The following YAF2 variants were observed in gnomAD, a reference collection of about 807,000 sequenced individuals.
YAF2 encodes YY1-associated factor 2.
Under a neutral mutation model 20.1 loss-of-function variants are expected in YAF2, and 7 were observed. That is an observed-to-expected ratio of 0.35 (90% CI 0.20 to 0.65). The LOEUF (loss-of-function observed/expected upper bound fraction) is 0.65, where lower values mean the gene tolerates loss of function less well. Among genes scored for constraint, YAF2 ranks in the 30% least tolerant of loss-of-function variants. The pLI is 0.69. For missense variants in YAF2, 151 were observed against 219.2 expected, an observed-to-expected ratio of 0.69 and a Z score of 1.96; for synonymous variants, 74 against 76.0, an observed-to-expected ratio of 0.97 and a Z score of 0.14.
At position 42,176,563 on chromosome 12, in the gene YAF2, C is replaced by T. The variant is rs186682499; in HGVS notation, c.153-14798G>A. ...TATTTATTCCGTTTTTCCTCTCATACTCACATCTAAGTCACCATCAAATGC... is the reference window on the plus strand; with the variant it reads ...TATTTATTCCGTTTTTCCTCTCATATTCACATCTAAGTCACCATCAAATGC... On this transcript the variant is annotated intron_variant, in intron 2 of 3. Coordinates refer to ENST00000534854, the MANE Select transcript of YAF2 (RefSeq NM_005748.6). 4.8e-3 allele frequency among the ~76,000 whole-genome samples: 737 copies of T among 152,308 alleles called. 5 individuals are homozygous for T. Among genetic ancestry groups the T allele is most frequent in the Non-Finnish European group, 7.5e-3 (511 of 68,028 alleles).
intron 2 of YAF2, chr12:42,210,620 C>G: frequency 6.5e-7 from 1 of 1,536,046 alleles, no homozygotes; most frequent in Non-Finnish European, 8.7e-7. Flanking sequence ...CAATGTGGAT[C>G]TGTGGAGATT....
intron 2 of YAF2, among the ~76,000 whole-genome samples, chr12:42,197,910 G>C (rs2066796054): frequency 6.6e-6 from 1 of 151,970 alleles, no homozygotes; most frequent in Non-Finnish European, 1.5e-5. Flanking sequence ...GAAAGCAACA[G>C]ACTATCAAAA....
chr12:42,168,436 C>A (rs1333921596), intron 2 of YAF2, among the ~76,000 whole-genome samples: 2 of 152,040 alleles, frequency 1.3e-5, no homozygotes, highest in African/African-American at 4.8e-5. Flanking sequence ...CCTGCCTCGG[C>A]CTACCAAAGT....
chr12:42,234,848 CATG>C, intron 2 of YAF2: 1 of 698,308 alleles, frequency 1.4e-6, no homozygotes, highest in African/African-American at 1.9e-5. Context: ...ATTAGCCACA[CATG>C]GTGGTGTGCA....
In YAF2 at chr12:42,167,721, T is replaced by C. The variant is rs1215780360; in HGVS notation, c.153-5956A>G. On this transcript the variant is annotated intron_variant, in intron 2 of 3. Coordinates refer to ENST00000534854, the MANE Select transcript of YAF2 (RefSeq NM_005748.6). ...AATAAACGAAAAGCTGTTGAAAATT[T>C]CTGGCCAGGCTCGGTGGCTCACATC... 2.0e-5 allele frequency among the ~76,000 whole-genome samples: 3 copies of C among 152,176 alleles called. No homozygotes were observed. The East Asian group carries it at 5.8e-4, about 29-fold the overall frequency.
chr12:42,224,898 G>A (rs2067642750), intron 2 of YAF2, among the ~76,000 whole-genome samples: 1 of 152,192 alleles, frequency 6.6e-6, no homozygotes, highest in African/African-American at 2.4e-5. Flanking sequence ...ACCCAGTAAT[G>A]AGACTGCTGG....
chr12:42,189,020 G>C (rs2066544531), intron 2 of YAF2, among the ~76,000 whole-genome samples: 1 of 152,172 alleles, frequency 6.6e-6, no homozygotes, highest in Admixed American at 6.5e-5. Context: ...GGGAGAATCA[G>C]AGTGGAAATG....
chr12:42,228,816 C>A, intron 2 of YAF2, among the ~76,000 whole-genome samples: 1 of 60,148 alleles, frequency 1.7e-5, no homozygotes, highest in African/African-American at 1.6e-4. Context: ...CCCGGCCAGC[C>A]GCCCCGTCCG....
chr12:42,168,466 G>C (rs1362577184), intron 2 of YAF2, among the ~76,000 whole-genome samples: 1 of 152,122 alleles, frequency 6.6e-6, no homozygotes, highest in Non-Finnish European at 1.5e-5. Context: ...ATAGATGTGA[G>C]CCACCATGCC....
Position 42,237,677 on chromosome 12 carries a change from C to T in YAF2, c.74G>A (p.Cys25Tyr). Residue 25 changes from cysteine to tyrosine, a missense_variant, in exon 2 of 4, where the codon TGT becomes TAT. Coordinates refer to ENST00000534854, the MANE Select transcript of YAF2 (RefSeq NM_005748.6). ...GCTGTTCCGGAAGGTGCAGACGCTA[C>T]AGTCCCAGTAACCCTCATCCGAGGA... ...KPSSDEGYWDCSVCTFRNSAE... is the reference protein window; with the variant it reads ...KPSSDEGYWDYSVCTFRNSAE... 6.3e-7 allele frequency: 1 copy of T among 1,590,930 alleles called. No homozygotes were observed. The highest frequency in any genetic ancestry group is 8.5e-7 in the Non-Finnish European group (1 of 1,170,168).
chr12:42,199,231 T>C (rs371155809), intron 2 of YAF2: 1 of 1,288,676 alleles, frequency 7.8e-7, no homozygotes, highest in African/African-American at 1.5e-5. Flanking sequence ...CTCTTCCTGT[T>C]ATCTCTGGCA....
chr12:42,165,622 C>T (rs912778249), intron 2 of YAF2, among the ~76,000 whole-genome samples: 2 of 151,606 alleles, frequency 1.3e-5, no homozygotes, highest in Admixed American at 1.3e-4. Flanking sequence ...TGCCACCATG[C>T]CCGGCTAATT....
At chr12:42,163,989 T>C (rs1215211440) in intron 2 of YAF2, among the ~76,000 whole-genome samples, 2 of 152,206 alleles carry the variant, frequency 1.3e-5, no homozygotes, top group Non-Finnish European at 2.9e-5. Flanking sequence ...AAGGGCAGAG[T>C]ATCATTTATA....
intron 2 of YAF2, among the ~76,000 whole-genome samples, chr12:42,205,652 C>T (rs1157673621): frequency 2.6e-5 from 4 of 152,176 alleles, no homozygotes; most frequent in Non-Finnish European, 5.9e-5. Flanking sequence ...GGATTACAGA[C>T]GTGAGCCACC....
chr12:42,170,172 A>C (rs1056353804), intron 2 of YAF2, among the ~76,000 whole-genome samples: 2 of 152,126 alleles, frequency 1.3e-5, no homozygotes, highest in African/African-American at 4.8e-5. Context: ...AGACCCGGCT[A>C]TGTTATGTGT....
intron 2 of YAF2, among the ~76,000 whole-genome samples, chr12:42,207,913 T>C (rs1299866937): frequency 6.6e-6 from 1 of 151,890 alleles, no homozygotes; most frequent in Non-Finnish European, 1.5e-5. Context: ...AAAAAACTGG[T>C]AAGTTTATTC....
intron 2 of YAF2, among the ~76,000 whole-genome samples, chr12:42,194,689 A>T (rs903216763): frequency 1.3e-5 from 2 of 152,190 alleles, no homozygotes; most frequent in African/African-American, 4.8e-5. Context: ...TAACATAAAA[A>T]TTTTTTGGTG....
intron 2 of YAF2, among the ~76,000 whole-genome samples, chr12:42,165,061 C>CAAAA (rs78729667): frequency 1.2e-4 from 8 of 64,720 alleles, no homozygotes; most frequent in African/African-American, 1.6e-4. Context: ...TCTTCTGGAA[C>CAAAA]AAAAAAAAAA....
chr12:42,170,312 T>C (rs116719257), intron 2 of YAF2, among the ~76,000 whole-genome samples: 1,597 of 152,340 alleles, frequency 0.01, 28 homozygotes, highest in African/African-American at 0.037. Flanking sequence ...CAACAAATGA[T>C]TGCTGAATGA....
Sources: allele counts gnomAD v4.1 joint callset (sites outside exome capture counted in the v4.1 genomes callset), GRCh38; gene constraint gnomAD v4.1.1; transcripts MANE v1.5; gene names NCBI Gene and HGNC (gene_info 2026-07-23, HGNC 2026-07-21).